The following ZMYND8 variants were observed in gnomAD, a reference collection of about 807,000 sequenced individuals.
ZMYND8 encodes MYND-type zinc finger-containing chromatin reader ZMYND8.
A neutral mutation model predicts 140.8 loss-of-function variants in ZMYND8; 37 were observed. That is an observed-to-expected ratio of 0.26 (90% confidence interval 0.20 to 0.35). The LOEUF (loss-of-function observed/expected upper bound fraction) is 0.35, where lower values mean the gene tolerates loss of function less well. Among genes scored for constraint, ZMYND8 ranks in the 10% least tolerant of loss-of-function variants. ZMYND8 has a pLI of 1.00. For synonymous variants in ZMYND8, 592 were observed against 597.1 expected (o/e 0.99, Z 0.12); for missense variants, 1,068 against 1,570.0 (o/e 0.68, Z 5.40).
At chr20:47,274,456 T>C (rs2076140412) in intron 11 of ZMYND8, among the ~76,000 whole-genome samples, 1 of 152,208 alleles carries the variant, frequency 6.6e-6, no homozygotes, top group South Asian at 2.1e-4. Flanking sequence ...TTTTAAACAT[T>C]TCCTGAAAAG....
At chr20:47,296,583 C>T (rs1469668860) in intron 4 of ZMYND8, among the ~76,000 whole-genome samples, 1 of 152,142 alleles carries the variant, frequency 6.6e-6, no homozygotes, top group Non-Finnish European at 1.5e-5. Flanking sequence ...CTGGCCTGGC[C>T]CTGCCTCTAG....
intron 18 of ZMYND8, among the ~76,000 whole-genome samples, chr20:47,225,040 C>T (rs1021698304): frequency 6.6e-6 from 1 of 152,116 alleles, no homozygotes; most frequent in African/African-American, 2.4e-5. Flanking sequence ...ACTATTCTAC[C>T]CCTTTCGCAG....
chr20:47,228,290 C>T (rs1388570085), intron 17 of ZMYND8, among the ~76,000 whole-genome samples: 1 of 152,118 alleles, frequency 6.6e-6, no homozygotes, highest in Non-Finnish European at 1.5e-5. Context: ...AGCCCCACAA[C>T]AGAAATTATC....
chr20:47,270,800 G>A (rs541814775), intron 11 of ZMYND8, among the ~76,000 whole-genome samples: 23 of 151,780 alleles, frequency 1.5e-4, no homozygotes, highest in Non-Finnish European at 2.4e-4. Context: ...GAAATCGGCC[G>A]GGTGCAGTGT....
chr20:47,280,124 C>CA (rs72091806), intron 10 of ZMYND8, among the ~76,000 whole-genome samples: 20,173 of 90,622 alleles, frequency 0.22, 2,149 homozygotes, highest in South Asian at 0.4. Flanking sequence ...GACTCTGCTC[C>CA]AAAAAAAAAA....
intron 2 of ZMYND8, among the ~76,000 whole-genome samples, chr20:47,313,223 G>GAA (rs56704156): frequency 3.2e-5 from 4 of 125,944 alleles, no homozygotes; most frequent in Non-Finnish European, 5.3e-5. Flanking sequence ...CACTGTCTCT[G>GAA]AAAAAAAAAA....
chr20:47,304,538 A>G (rs1264977702), intron 3 of ZMYND8, among the ~76,000 whole-genome samples: 1 of 152,226 alleles, frequency 6.6e-6, no homozygotes, highest in Non-Finnish European at 1.5e-5. Flanking sequence ...AAACCAGAGT[A>G]TGGGTGCTCT....
intron 12 of ZMYND8, among the ~76,000 whole-genome samples, chr20:47,253,536 C>CA (rs11475274): frequency 0.019 from 2,252 of 115,818 alleles, 49 homozygotes; most frequent in African/African-American, 0.063. Context: ...GACTCCATCT[C>CA]AAAAAAAAAA....
chr20:47,338,758 C>G (rs1374109597), intron 2 of ZMYND8, among the ~76,000 whole-genome samples: 3 of 151,996 alleles, frequency 2.0e-5, no homozygotes, highest in Non-Finnish European at 1.5e-5. Context: ...CAAGGTGATC[C>G]CTTCCCCTCA....
intron 2 of ZMYND8, among the ~76,000 whole-genome samples, chr20:47,316,032 T>C (rs975155308): frequency 2.0e-5 from 3 of 152,172 alleles, no homozygotes; most frequent in Non-Finnish European, 4.4e-5. Flanking sequence ...GTCTACTGGG[T>C]ATTAAGAACC....
intron 11 of ZMYND8, among the ~76,000 whole-genome samples, chr20:47,269,319 G>T (rs1017780719): frequency 9.9e-5 from 15 of 152,250 alleles, no homozygotes; most frequent in Non-Finnish European, 4.4e-5. Context: ...ATGGTGCTCA[G>T]CATCCTAGGT....
chr20:47,218,999 T>C (rs1170313250), intron 21 of ZMYND8, among the ~76,000 whole-genome samples: 1 of 151,310 alleles, frequency 6.6e-6, no homozygotes, highest in Admixed American at 6.6e-5. Flanking sequence ...GGAGGATCAC[T>C]TGAGGTCAAG....
rs767528151 is a variant in ZMYND8, at chr20:47,246,453, C to G, written c.1839G>C (p.Glu613Asp). Residue 613 changes from glutamate to aspartate, a missense_variant, in exon 14 of 23, where the codon GAG (glutamate) becomes GAC (aspartate). Transcript: ENST00000471951. ...ACTCACTATCGCTACTATCTGACTT[C>G]TCAGAATCCTCCGAATCGCTGTGCT... ...AVEHSDSEDS[E>D]KSDSSDSEYI... The G allele has an allele frequency of 3.1e-6, 5 of 1,613,886 alleles. No homozygotes were observed. In the South Asian group the frequency reaches 3.3e-5, roughly 11 times the overall value.
chr20:47,337,260 G>A (rs942677829), intron 2 of ZMYND8, among the ~76,000 whole-genome samples: 4 of 152,170 alleles, frequency 2.6e-5, no homozygotes, highest in Admixed American at 2.0e-4. Context: ...GCTGAGACAC[G>A]AGAATCAATT....
intron 16 of ZMYND8, among the ~76,000 whole-genome samples, chr20:47,234,101 T>G (rs575597442): frequency 1.3e-5 from 2 of 152,294 alleles, no homozygotes; most frequent in African/African-American, 4.8e-5. Flanking sequence ...CAGGCTGGAG[T>G]GCAGTGGCAA....
At chr20:47,286,245 T>C (rs576656472) in intron 8 of ZMYND8, among the ~76,000 whole-genome samples, 1 of 151,958 alleles carries the variant, frequency 6.6e-6, no homozygotes, top group African/African-American at 2.4e-5. Flanking sequence ...TGGTGCTATC[T>C]TGGCTCACTG....
Position 47,294,799 on chromosome 20 carries a change from C to A in ZMYND8, c.454-20G>T. The A allele has an allele frequency of 2.5e-6, 4 of 1,601,562 alleles. No homozygotes were observed. Among genetic ancestry groups the A allele is most frequent in the South Asian group, 2.2e-5 (2 of 90,758 alleles). ...AATTTTCTACAAAGTCAAAGTCATA[C>A]ATAAACGTCCGGTTAGAAAAAAGAA... On this transcript the variant is annotated intron_variant, in intron 4 of 22. Transcript: ENST00000471951.
At chr20:47,354,927 C>T (rs2083095460) in intron 1 of ZMYND8, among the ~76,000 whole-genome samples, 1 of 152,086 alleles carries the variant, frequency 6.6e-6, no homozygotes, top group South Asian at 2.1e-4. Flanking sequence ...TGAAAAAAGG[C>T]CAAAATGTGT....
At chr20:47,330,361 CTT>C (rs111831182) in intron 2 of ZMYND8, among the ~76,000 whole-genome samples, 146 of 118,878 alleles carry the variant, frequency 1.2e-3, no homozygotes, top group African/African-American at 3.7e-3. Flanking sequence ...GGGTTTTTTG[CTT>C]TTTTTTTTTT....
Sources: allele counts gnomAD v4.1 joint callset (sites outside exome capture counted in the v4.1 genomes callset), GRCh38; gene constraint gnomAD v4.1.1; transcripts MANE v1.5; gene names NCBI Gene and HGNC (gene_info 2026-07-23, HGNC 2026-07-21).